TSC2: variants seen among roughly 807,000 people sequenced by gnomAD.
TSC2 encodes tuberin.
A neutral mutation model predicts 202.2 loss-of-function variants in TSC2; 29 were observed. That is an observed-to-expected ratio of 0.14 (90% CI 0.11 to 0.20). The LOEUF is 0.20. Among genes scored for constraint, TSC2 ranks in the 10% least tolerant of loss-of-function variants. The pLI, the probability that TSC2 is intolerant of heterozygous loss-of-function variation, is 1.00. For missense variants in TSC2, 2,429 were observed against 2,420.0 expected (o/e 1.00, Z -0.08); for synonymous variants, 1,349 against 1,044.0 (o/e 1.29, Z -5.63).
chr16:2,085,048 T>A (rs748243902), intron 35 of TSC2, 22 bp downstream of exon 35: 1 of 1,611,084 alleles, frequency 6.2e-7, no homozygotes. Flanking sequence ...CTCCCTCTCC[T>A]GCATCCGCTG....
intron 2 of TSC2, 141 bp downstream of exon 2, chr16:2,048,894 C>A: frequency 8.2e-7 from 1 of 1,214,730 alleles, no homozygotes; most frequent in Non-Finnish European, 1.2e-6. Flanking sequence ...TGGAGGCCGA[C>A]ATGTCCTTCC....
chr16:2,061,563 A>AT, intron 11 of TSC2: 1 of 460,048 alleles, frequency 2.2e-6, no homozygotes, highest in South Asian at 2.0e-5. Context: ...CACAGCCAAG[A>AT]TTCCTTGGGG....
Position 2,088,730 on chromosome 16 carries a change from T to G in TSC2, c.*120T>G. 7.3e-7 allele frequency: 1 copy of G among 1,375,468 alleles called. No individual in the cohort carries two copies. Among genetic ancestry groups the G allele is most frequent in the Non-Finnish European group, 9.9e-7 (1 of 1,015,054 alleles). 85.2% of individuals were successfully genotyped at this position (1,375,468 alleles called of 1,614,324 possible). ...AGATTGCAGTCAGACAGCTCTTTTATTGACTTTGTCTGCTTGGTGCGGGGG... is the reference window on the plus strand; with the variant it reads ...AGATTGCAGTCAGACAGCTCTTTTAGTGACTTTGTCTGCTTGGTGCGGGGG... On this transcript the variant is annotated 3_prime_UTR_variant, in exon 42 of 42. Transcript: ENST00000219476.
At chr16:2,064,155 C>A in intron 14 of TSC2, 117 bp from the exon 15 acceptor site, 1 of 1,534,624 alleles carries the variant, frequency 6.5e-7, no homozygotes, top group Non-Finnish European at 9.0e-7. Context: ...CCCAGCTGTG[C>A]TGAAGTCCCG....
chr16:2,070,698 CCCT>C (rs2088179662), intron 17 of TSC2, 120 bp downstream of exon 17: 2 of 1,507,534 alleles, frequency 1.3e-6, no homozygotes, highest in Admixed American at 2.0e-5. Flanking sequence ...AGCTGACCGT[CCCT>C]CCTCTGCACC....
At chr16:2,053,028 G>T (rs1192884729) in intron 3 of TSC2, among the ~76,000 whole-genome samples, 1 of 152,180 alleles carries the variant, frequency 6.6e-6, no homozygotes, top group African/African-American at 2.4e-5. Flanking sequence ...GCTCTAGTGG[G>T]ACTCCCTCCT....
In TSC2 at chr16:2,072,875, G is replaced by T. The variant is rs753723736; in HGVS notation, c.2247G>T (p.Arg749=). 6.2e-7 allele frequency: 1 copy of T among 1,613,626 alleles called. No homozygotes were observed. Among genetic ancestry groups the T allele is most frequent in the Non-Finnish European group, 8.5e-7 (1 of 1,180,032 alleles). Residue 749 remains arginine (R), a synonymous_variant, in exon 21 of 42, where the codon CGG becomes CGT. Transcript: ENST00000219476. The part of the protein sequence containing the change: ...SMLSGPKTLE[R]LRGAPEGFSR... ...TTTCAGGCCCAAAGACACTGGAGCG[G>T]CTCCGAGGCGCCCCAGAAGGCTTCT...
chr16:2,068,374 C>T (rs2151246190), intron 16 of TSC2, among the ~76,000 whole-genome samples: 1 of 152,244 alleles, frequency 6.6e-6, no homozygotes, highest in South Asian at 2.1e-4. Flanking sequence ...TGAAAAGTAA[C>T]ACAGTTGACT....
rs1567137725 is a variant in TSC2 at position 2,088,863 on chromosome 16, ACTCGCGCGTGCGCGCG to A, written c.*255_*270del. 8 of 542,238 alleles carry A rather than the reference ACTCGCGCGTGCGCGCG, an allele frequency of 1.5e-5. No individual in the cohort carries two copies. The highest frequency in any genetic ancestry group is 4.5e-5 in the African/African-American group (2 of 44,080). The allele number at this position is 542,238 out of a possible 1,614,324, so 33.6% of individuals were successfully genotyped here. A position where few individuals can be genotyped will look rare whatever the true frequency, so the allele number is the denominator to read the frequency against. ...TGAGGCTGCCTGGGCCATACAGCAC[ACTCGCGCGTGCGCGCG>A]CGCACACACACACACACACAGTCAC... is the stretch of plus-strand genomic sequence containing the variant. On this transcript the variant is annotated 3_prime_UTR_variant, in exon 42 of 42. Transcript: ENST00000219476.
rs2087232543 is a variant in TSC2 at position 2,065,567 on chromosome 16, G to A, written c.1648G>A (p.Val550Met). The A allele has an allele frequency of 6.2e-7, 1 of 1,613,872 alleles. No individual in the cohort carries two copies. The highest frequency in any genetic ancestry group is 8.5e-7 in the Non-Finnish European group (1 of 1,180,010). The change falls in exon 16 of 42, where the codon GTG becomes ATG. Residue 550 changes from valine to methionine, a missense_variant. Transcript: ENST00000219476. ...SPPPELEERD[V>M]AAYSASLEDV... The stretch of plus-strand genomic sequence containing the variant: ...ACCCCCGGAGCTGGAAGAAAGGGAT[G>A]TGGCCGCATACTCGGCCTCCTTGGA...
chr16:2,075,659 C>T (rs977543894), intron 22 of TSC2, 140 bp from the exon 23 acceptor site: 31 of 842,214 alleles, frequency 3.7e-5, no homozygotes, highest in African/African-American at 2.7e-4. Flanking sequence ...AGGCCAGGGT[C>T]GGGAAAGCCA....
At chr16:2,083,204 C>T (rs564785373) in intron 32 of TSC2, 2 of 458,660 alleles carry the variant, frequency 4.4e-6, no homozygotes, top group South Asian at 1.5e-5. Flanking sequence ...TGGGACCTCC[C>T]ACCCTCTCTC....
intron 14 of TSC2, chr16:2,063,404 G>T (rs187509546): frequency 4.6e-6 from 2 of 434,192 alleles, no homozygotes; most frequent in Non-Finnish European, 8.6e-6. Flanking sequence ...CAGTCCTGAC[G>T]TTCACCCTGT....
intron 2 of TSC2, among the ~76,000 whole-genome samples, chr16:2,050,141 G>A (rs1036113240): frequency 1.4e-4 from 22 of 151,934 alleles, no homozygotes; most frequent in Non-Finnish European, 3.1e-4. Flanking sequence ...ATTTTTAGTA[G>A]AGACAGGGTT....
intron 17 of TSC2, among the ~76,000 whole-genome samples, chr16:2,070,857 C>G (rs2088214291): frequency 6.6e-6 from 1 of 152,210 alleles, no homozygotes; most frequent in Non-Finnish European, 1.5e-5. Flanking sequence ...GTGCATGGCC[C>G]TGACGCTCCT....
Position 2,088,598 on chromosome 16 carries a change from C to T in TSC2, c.5412C>T (p.Thr1804=), listed in dbSNP as rs397515252. ...KRLISSVEDF[T]EFV ...TCATCTCCTCGGTGGAGGACTTCAC[C>T]GAGTTTGTGTGAGGCCGGGGCCCTC... The change falls in exon 42 of 42, where the codon ACC becomes ACT. Residue 1804 remains threonine (T), a synonymous_variant. Coordinates refer to ENST00000219476, the MANE Select transcript of TSC2 (RefSeq NM_000548.5). 38 of 1,604,776 alleles carry T rather than the reference C, an allele frequency of 2.4e-5. No homozygotes were observed. The highest frequency in any genetic ancestry group is 7.7e-5 in the South Asian group (7 of 91,054).
At position 2,083,177 on chromosome 16, in the gene TSC2, C is replaced by A. The variant is rs141588847; in HGVS notation, c.3884-518C>A. ...TCCTCTCCCCCTGTCCTGACGCTGGCACAGGAAATGCTGCTTTGGGACCTC... is the reference window on the plus strand; with the variant it reads ...TCCTCTCCCCCTGTCCTGACGCTGGAACAGGAAATGCTGCTTTGGGACCTC... On this transcript the variant is annotated intron_variant, in intron 32 of 41. Coordinates refer to ENST00000219476, the MANE Select transcript of TSC2 (RefSeq NM_000548.5). 1.2e-3 allele frequency: 537 copies of A among 457,692 alleles called. 3 individuals are homozygous for A. The highest frequency in any genetic ancestry group is 9.9e-3 in the African/African-American group (499 of 50,284). The allele number at this position is 457,692 out of a possible 1,614,324, so 28.4% of individuals were successfully genotyped here.
Sources: gnomAD v4.1 joint callset for allele counts (sites outside exome capture counted in the v4.1 genomes callset) on GRCh38, gnomAD v4.1.1 for gene constraint, MANE v1.5 for transcripts, NCBI Gene and HGNC (gene_info 2026-07-23, HGNC 2026-07-21) for gene names.